Variants in PDE12 observed in about 807,000 individuals in gnomAD.
PDE12 encodes phosphodiesterase 12.
PDE12 carries 26 observed loss-of-function variants against 45.4 expected under a neutral mutation model. The ratio of observed to expected loss-of-function variants is 0.57; its 90% CI spans 0.42 to 0.79. The LOEUF (loss-of-function observed/expected upper bound fraction) is 0.79. PDE12 is among the 30% of genes least tolerant of loss of function. PDE12 has a pLI of 0.00. For missense variants in PDE12, 668 were observed against 790.0 expected (o/e 0.85, Z 1.85); for synonymous variants, 283 against 323.9 (o/e 0.87, Z 1.36).
downstream of PDE12, among the ~76,000 whole-genome samples, chr3:57,569,993 GT>G (rs2069821578): frequency 6.6e-6 from 1 of 151,968 alleles, no homozygotes; most frequent in Non-Finnish European, 1.5e-5. Context: ...ATTCACTGAT[GT>G]TTTATATTTC....
At chr3:57,628,490 G>T in the PDE12 span, 1 of 1,187,714 alleles carries the variant, frequency 8.4e-7, no homozygotes. Context: ...AAAAAGCAAG[G>T]AGCATTCTAT....
the PDE12 span, among the ~76,000 whole-genome samples, chr3:57,594,193 T>G: frequency 6.6e-6 from 1 of 152,148 alleles, no homozygotes; most frequent in Non-Finnish European, 1.5e-5. Context: ...CATTGCACTC[T>G]GGCCTGGGAG....
chr3:57,608,701 A>G, the PDE12 span, among the ~76,000 whole-genome samples: 1 of 152,140 alleles, frequency 6.6e-6, no homozygotes, highest in Non-Finnish European at 1.5e-5. Flanking sequence ...TCCTAAATAT[A>G]TATGCACCCA....
chr3:57,575,608 A>G, the PDE12 span: 1 of 1,613,710 alleles, frequency 6.2e-7, no homozygotes, highest in South Asian at 1.1e-5. Flanking sequence ...TGGCCATAGC[A>G]TTTGGCAAAT....
At chr3:57,573,396 GTTTA>G in the PDE12 span, among the ~76,000 whole-genome samples, 1 of 152,022 alleles carries the variant, frequency 6.6e-6, no homozygotes, top group South Asian at 2.1e-4. Flanking sequence ...TTAAGGCATA[GTTTA>G]CTTTTATTAA....
the PDE12 span, among the ~76,000 whole-genome samples, chr3:57,605,148 C>T: frequency 6.6e-6 from 1 of 152,048 alleles, no homozygotes; most frequent in Admixed American, 6.6e-5. Context: ...CAGTTTATTG[C>T]CTTGGGAATG....
chr3:57,581,557 T>C, the PDE12 span, among the ~76,000 whole-genome samples: 2 of 152,180 alleles, frequency 1.3e-5, no homozygotes, highest in South Asian at 2.1e-4. Context: ...TCCCAGCACT[T>C]TGGGAAGCCC....
the PDE12 span, among the ~76,000 whole-genome samples, chr3:57,601,911 A>ATT: frequency 1.4e-5 from 2 of 138,552 alleles, no homozygotes; most frequent in African/African-American, 2.6e-5. Context: ...CACCCGGCTA[A>ATT]TTTTTTTTTT....
Position 57,560,381 on chromosome 3 carries a change from A to G in PDE12, c.*377A>G, listed in dbSNP as rs538414065. The G allele has an allele frequency of 1.3e-5, 11 of 849,398 alleles. No individual in the cohort carries two copies. The African/African-American group carries it at 2.0e-4, about 16-fold the overall frequency. 52.6% of individuals were successfully genotyped at this position (849,398 alleles called of 1,614,324 possible). On this transcript the variant is annotated 3_prime_UTR_variant, in exon 3 of 3. Coordinates refer to ENST00000311180, the MANE Select transcript of PDE12 (RefSeq NM_177966.7). ...ACTCTTGTTGCCCAGGCTGGAGTGC[A>G]ATGGCACAATCTCGGCTCACTGCAA...
chr3:57,637,665 T>C, the PDE12 span, among the ~76,000 whole-genome samples: 2 of 148,170 alleles, frequency 1.3e-5, no homozygotes, highest in Non-Finnish European at 3.0e-5. Context: ...AGCAGAAAAA[T>C]ACTCCAAGAT....
Position 57,559,975 on chromosome 3 carries a change from GC to G in PDE12, c.1802del (p.Ala601AspfsTer6). 1 of 1,608,624 alleles carries G rather than the reference GC, an allele frequency of 6.2e-7. No individual in the cohort carries two copies. The highest frequency in any genetic ancestry group is 8.5e-7 in the Non-Finnish European group (1 of 1,178,250). ...PSVSHPSDHI[A>X]LVCDLKWK ...TGTTTCCCATCCCTCTGATCACATAGCACTTGTATGTGATTTAAAATGGAAA... is the reference window on the plus strand; with the variant it reads ...TGTTTCCCATCCCTCTGATCACATAGACTTGTATGTGATTTAAAATGGAAA... On this transcript the variant is annotated frameshift_variant, in exon 3 of 3. Coordinates refer to ENST00000311180, the MANE Select transcript of PDE12 (RefSeq NM_177966.7). LOFTEE classifies it high-confidence loss of function.
At chr3:57,575,141 C>T in the PDE12 span, among the ~76,000 whole-genome samples, 1 of 147,054 alleles carries the variant, frequency 6.8e-6, no homozygotes, top group African/African-American at 2.5e-5. Flanking sequence ...TGAGCCACCG[C>T]ACCCAGCCCC....
the PDE12 span, among the ~76,000 whole-genome samples, chr3:57,648,293 A>G: frequency 3.9e-5 from 6 of 152,196 alleles, no homozygotes; most frequent in Admixed American, 3.3e-4. Context: ...TACTTACTCA[A>G]GGAGGTGAAA....
At chr3:57,603,971 C>G in the PDE12 span, among the ~76,000 whole-genome samples, 1 of 147,984 alleles carries the variant, frequency 6.8e-6, no homozygotes, top group Non-Finnish European at 1.5e-5. Context: ...GTTGCCCAGG[C>G]TAGAATGCAG....
At chr3:57,585,363 TAAC>T in the PDE12 span, among the ~76,000 whole-genome samples, 2 of 152,202 alleles carry the variant, frequency 1.3e-5, no homozygotes, top group Admixed American at 6.5e-5. Flanking sequence ...GAACTTAATG[TAAC>T]TATGTCCTAG....
chr3:57,578,384 A>G, the PDE12 span, among the ~76,000 whole-genome samples: 1 of 151,550 alleles, frequency 6.6e-6, no homozygotes, highest in Non-Finnish European at 1.5e-5. Context: ...TCAAAACCCT[A>G]TCTCTTAAAA....
the PDE12 span, chr3:57,630,576 C>T: frequency 6.5e-7 from 1 of 1,538,382 alleles, no homozygotes; most frequent in Non-Finnish European, 8.8e-7. Flanking sequence ...TATTTCCTTT[C>T]CTCAATACCT....
chr3:57,653,068 A>G, the PDE12 span, among the ~76,000 whole-genome samples: 1 of 152,224 alleles, frequency 6.6e-6, no homozygotes, highest in Non-Finnish European at 1.5e-5. Flanking sequence ...TAGACTCTAA[A>G]GTATTAAGAG....
chr3:57,635,140 A>C, the PDE12 span, among the ~76,000 whole-genome samples: 1 of 152,356 alleles, frequency 6.6e-6, no homozygotes, highest in Non-Finnish European at 1.5e-5. Context: ...CTTTAAGTAT[A>C]AATGGAATAG....
Sources: allele counts gnomAD v4.1 joint callset (sites outside exome capture counted in the v4.1 genomes callset), GRCh38; gene constraint gnomAD v4.1.1; transcripts MANE v1.5; gene names NCBI Gene and HGNC (gene_info 2026-07-23, HGNC 2026-07-21).